The following SLC35F1 variants were observed in gnomAD, a reference collection of about 807,000 sequenced individuals.
SLC35F1 encodes solute carrier family 35 member F1, also known as chromosome 6 open reading frame 169.
SLC35F1 carries 14 observed loss-of-function variants against 48.7 expected under a neutral mutation model. The observed-to-expected ratio is 0.29, with a 90% CI of 0.19 to 0.45. The LOEUF is 0.45. SLC35F1 is among the 20% of genes least tolerant of loss of function. SLC35F1 has a pLI of 1.00. For synonymous variants in SLC35F1, 190 were observed against 202.2 expected, an observed-to-expected ratio of 0.94 and a Z score of 0.51; for missense variants, 404 against 500.0, an observed-to-expected ratio of 0.81 and a Z score of 1.83.
intron 1 of SLC35F1, among the ~76,000 whole-genome samples, chr6:117,950,164 T>C (rs1478434151): frequency 6.6e-6 from 1 of 152,210 alleles, no homozygotes; most frequent in African/African-American, 2.4e-5. Flanking sequence ...GGTAGAGATA[T>C]ATTCCTCAAG....
intron 1 of SLC35F1, among the ~76,000 whole-genome samples, chr6:118,146,654 T>G (rs558364956): frequency 6.6e-6 from 1 of 152,330 alleles, no homozygotes; most frequent in East Asian, 1.9e-4. Flanking sequence ...ATTCTCTGTT[T>G]AGTTTAATTT....
chr6:118,155,354 G>A (rs896365340), intron 2 of SLC35F1, among the ~76,000 whole-genome samples: 6 of 152,114 alleles, frequency 3.9e-5, no homozygotes, highest in African/African-American at 1.4e-4. Flanking sequence ...TAAGAGGTGG[G>A]AGTATTAAGT....
At chr6:117,952,371 C>T (rs1170067755) in intron 1 of SLC35F1, among the ~76,000 whole-genome samples, 1 of 152,210 alleles carries the variant, frequency 6.6e-6, no homozygotes, top group East Asian at 1.9e-4. Flanking sequence ...TTTTGCATAT[C>T]TGTTGTCCCC....
chr6:118,231,781 A>G (rs1554238520), intron 2 of SLC35F1, among the ~76,000 whole-genome samples: 1 of 152,206 alleles, frequency 6.6e-6, no homozygotes, highest in Admixed American at 6.5e-5. Context: ...TTTCAGTGCT[A>G]TGTATTGAGA....
At chr6:118,198,441 G>A (rs1774830332) in intron 2 of SLC35F1, among the ~76,000 whole-genome samples, 1 of 152,120 alleles carries the variant, frequency 6.6e-6, no homozygotes, top group Non-Finnish European at 1.5e-5. Flanking sequence ...CAAACAGGAA[G>A]ACTTCCCTGA....
chr6:117,948,990 G>A (rs1003065468), intron 1 of SLC35F1, among the ~76,000 whole-genome samples: 1 of 152,054 alleles, frequency 6.6e-6, no homozygotes, highest in Non-Finnish European at 1.5e-5. Flanking sequence ...AAATCAGAAG[G>A]GTTAACAGGA....
rs555458306 is a variant in SLC35F1 at position 118,194,465 on chromosome 6, A to AT, written c.349+39855dup. On this transcript the variant is annotated intron_variant, in intron 2 of 7. Coordinates refer to ENST00000360388, the MANE Select transcript of SLC35F1 (RefSeq NM_001029858.4). Reference sequence around the variant, plus strand: ...ATAAAACAAGATGGAGGCCTCATCTATTTTTTTTTTCTTTCTTCAGAGATC... The same window carrying AT: ...ATAAAACAAGATGGAGGCCTCATCTATTTTTTTTTTTCTTTCTTCAGAGATC... Among the ~76,000 whole-genome samples, 193 of 150,064 alleles carry AT rather than the reference A, an allele frequency of 1.3e-3. 1 individual carries two copies. Among genetic ancestry groups the AT allele is most frequent in the African/African-American group, 4.2e-3 (173 of 40,980 alleles).
rs553841364 is a variant in SLC35F1, at chr6:117,956,486, C to A, written c.173+48587C>A. 1.1e-3 allele frequency among the ~76,000 whole-genome samples: 169 copies of A among 152,330 alleles called. 1 individual carries two copies. Among genetic ancestry groups the A allele is most frequent in the Non-Finnish European group, 2.2e-3 (148 of 68,038 alleles). Reference sequence around the variant, plus strand: ...TGTGGATGTGAAACTGTGATTAAACCTTCAATGAGTGCTGCTTTACTAGGC... The same window carrying A: ...TGTGGATGTGAAACTGTGATTAAACATTCAATGAGTGCTGCTTTACTAGGC... On this transcript the variant is annotated intron_variant, in intron 1 of 7. Transcript: ENST00000360388.
chr6:118,077,090 A>G (rs1274422007), intron 1 of SLC35F1, among the ~76,000 whole-genome samples: 1 of 152,242 alleles, frequency 6.6e-6, no homozygotes, highest in African/African-American at 2.4e-5. Context: ...AAGAACTTAC[A>G]TCTTCCAGTT....
intron 1 of SLC35F1, among the ~76,000 whole-genome samples, chr6:118,124,548 C>T (rs1477882925): frequency 6.6e-6 from 1 of 152,036 alleles, no homozygotes; most frequent in African/African-American, 2.4e-5. Context: ...GAAGAGGACC[C>T]AAGATCTCTA....
intron 1 of SLC35F1, among the ~76,000 whole-genome samples, chr6:118,144,778 G>A (rs11754433): frequency 0.48 from 72,159 of 151,774 alleles, 18,422 homozygotes; most frequent in Middle Eastern, 0.62. Context: ...AAGAAATTAA[G>A]CTTCATTAAT....
intron 2 of SLC35F1, among the ~76,000 whole-genome samples, chr6:118,225,518 T>C (rs555933854): frequency 1.3e-5 from 2 of 152,340 alleles, no homozygotes; most frequent in African/African-American, 4.8e-5. Flanking sequence ...TTAAGTCTAA[T>C]ACCTGAAACT....
intron 1 of SLC35F1, among the ~76,000 whole-genome samples, chr6:117,923,654 C>CATATATGTAT (rs1305524832): frequency 1.8e-5 from 1 of 54,056 alleles, no homozygotes; most frequent in African/African-American, 5.9e-5. Context: ...TACATATGTA[C>CATATATGTAT]ATATGTATAT....
intron 2 of SLC35F1, among the ~76,000 whole-genome samples, chr6:118,234,028 C>T (rs1775331055): frequency 6.6e-6 from 1 of 152,136 alleles, no homozygotes; most frequent in Non-Finnish European, 1.5e-5. Flanking sequence ...TTGGAAAGAC[C>T]ACCTCATTAT....
chr6:117,981,888 A>G (rs1776786167), intron 1 of SLC35F1, among the ~76,000 whole-genome samples: 1 of 151,910 alleles, frequency 6.6e-6, no homozygotes, highest in Non-Finnish European at 1.5e-5. Context: ...ATTTTTTCCC[A>G]AGAAATCATT....
intron 1 of SLC35F1, among the ~76,000 whole-genome samples, chr6:118,091,179 T>C (rs1488989292): frequency 2.0e-5 from 3 of 152,172 alleles, no homozygotes; most frequent in Admixed American, 6.5e-5. Context: ...TTGGACTTAG[T>C]AATATGAGAT....
chr6:118,029,144 C>T (rs1338499208), intron 1 of SLC35F1, among the ~76,000 whole-genome samples: 1 of 151,886 alleles, frequency 6.6e-6, no homozygotes, highest in Non-Finnish European at 1.5e-5. Flanking sequence ...CAGGAAGGAC[C>T]TCATTATCCT....
At chr6:118,312,923 T>A (rs949135903) in intron 7 of SLC35F1, among the ~76,000 whole-genome samples, 3 of 152,168 alleles carry the variant, frequency 2.0e-5, no homozygotes, top group Non-Finnish European at 2.9e-5. Flanking sequence ...ATAAAATTGA[T>A]CCTTTTTTCC....
intron 1 of SLC35F1, among the ~76,000 whole-genome samples, chr6:118,084,026 A>T (rs541948153): frequency 1.3e-5 from 2 of 152,326 alleles, no homozygotes; most frequent in East Asian, 3.9e-4. Context: ...TTTAATTCTC[A>T]TAACAGCCAG....
Sources: allele counts gnomAD v4.1 joint callset (sites outside exome capture counted in the v4.1 genomes callset), GRCh38; gene constraint gnomAD v4.1.1; transcripts MANE v1.5; gene names NCBI Gene and HGNC (gene_info 2026-07-23, HGNC 2026-07-21).